ENOX2: variants seen among roughly 807,000 people sequenced by gnomAD.
The protein encoded by ENOX2 is APK1 antigen.
In ENOX2, 36 loss-of-function variants were observed where a neutral mutation model predicts 45.0. The ratio of observed to expected loss-of-function variants is 0.80; its 90% CI spans 0.61 to 1.06. ENOX2 has a LOEUF of 1.06. Ranked by LOEUF, ENOX2 falls within the 50% of genes least tolerant of loss-of-function variation. The probability of loss-of-function intolerance (pLI) is 0.00; values close to 1 mark genes in which losing one functional copy is unlikely to be tolerated. For synonymous variants in ENOX2, 174 were observed against 152.3 expected (o/e 1.14, Z -1.05); for missense variants, 423 against 462.5 (o/e 0.91, Z 0.78).
intron 2 of ENOX2, among the ~76,000 whole-genome samples, chrX:130,897,343 A>G (rs755272682): frequency 8.9e-6 from 1 of 112,335 alleles, no homozygotes; most frequent in African/African-American, 3.2e-5. Context: ...CTGTGGTCAC[A>G]TATAACTTGC....
intron 3 of ENOX2, among the ~76,000 whole-genome samples, chrX:130,775,077 T>C (rs2039821270): frequency 8.9e-6 from 1 of 112,160 alleles, no homozygotes; most frequent in Admixed American, 9.4e-5. Context: ...CACCCCTGCT[T>C]GTTCTTTGGC....
At chrX:130,683,404 G>C (rs1468905873) in intron 5 of ENOX2, among the ~76,000 whole-genome samples, 1 of 112,138 alleles carries the variant, frequency 8.9e-6, no homozygotes, top group Non-Finnish European at 1.9e-5. Flanking sequence ...AAATTAGAAG[G>C]CTGGGGAATT....
chrX:130,724,813 A>C (rs991573110), intron 3 of ENOX2, among the ~76,000 whole-genome samples: 13 of 112,083 alleles, frequency 1.2e-4, no homozygotes, highest in African/African-American at 3.9e-4. Context: ...GGGGAAGTCT[A>C]GGTGATACTA....
intron 2 of ENOX2, among the ~76,000 whole-genome samples, chrX:130,812,405 T>C (rs1035761929): frequency 1.3e-4 from 14 of 111,753 alleles, no homozygotes; most frequent in African/African-American, 4.6e-4. Context: ...GAGAGCAGCA[T>C]AATATATTTA....
At chrX:130,793,064 A>T (rs1210522143) in intron 2 of ENOX2, among the ~76,000 whole-genome samples, 1 of 112,437 alleles carries the variant, frequency 8.9e-6, no homozygotes, top group East Asian at 2.8e-4. Flanking sequence ...TGTATAAAAC[A>T]GGTCACTTGA....
intron 6 of ENOX2, 96 bp from the exon 7 acceptor site, chrX:130,670,294 A>G (rs1367430952): frequency 6.6e-6 from 4 of 601,950 alleles, no homozygotes; most frequent in Non-Finnish European, 1.1e-5. Flanking sequence ...GAGAGACATG[A>G]AAGACTATAC....
Position 130,667,595 on chromosome X carries a change from T to A in ENOX2, c.842A>T (p.His281Leu). 2 of 1,211,773 alleles carry A rather than the reference T, an allele frequency of 1.7e-6. No individual in the cohort carries two copies. The highest frequency in any genetic ancestry group is 2.2e-6 in the Non-Finnish European group (2 of 895,475). The stretch of plus-strand genomic sequence containing the variant: ...CTTTGCTTCTTCCATATCTTTCTCA[T>A]GGGCAGCTTTCTCGTTCACCAGGCG... ...VRRLVNEKAA[H>L]EKDMEEAKEK... The change falls in exon 8 of 15, where the codon CAT becomes CTT. Residue 281 changes from histidine (H) to leucine (L), a missense_variant. By Grantham distance (99) the His-to-Leu change is moderately conservative (BLOSUM62 -3). Transcript: ENST00000394363.
chrX:130,900,193 A>G (rs2079122234), intron 2 of ENOX2, among the ~76,000 whole-genome samples: 2 of 112,430 alleles, frequency 1.8e-5, no homozygotes, highest in African/African-American at 6.5e-5. Flanking sequence ...TTACTTAGTG[A>G]TTTTTACCAT....
intron 3 of ENOX2, among the ~76,000 whole-genome samples, chrX:130,768,563 C>T (rs2039668145): frequency 8.9e-6 from 1 of 111,986 alleles, no homozygotes; most frequent in African/African-American, 3.3e-5. Context: ...TTCAGTCTAA[C>T]AGTAGACTTG....
At chrX:130,642,042 T>TA (rs939030616) in intron 10 of ENOX2, among the ~76,000 whole-genome samples, 3 of 112,280 alleles carry the variant, frequency 2.7e-5, no homozygotes, top group Non-Finnish European at 5.6e-5. Context: ...CTTATTATTT[T>TA]AAAAAATCAT....
intron 2 of ENOX2, among the ~76,000 whole-genome samples, chrX:130,809,197 G>A (rs1466074619): frequency 8.9e-6 from 1 of 112,347 alleles, no homozygotes; most frequent in African/African-American, 3.2e-5. Flanking sequence ...ATTACAATTT[G>A]TTTCATCTTT....
intron 3 of ENOX2, among the ~76,000 whole-genome samples, chrX:130,763,686 T>C (rs2039546972): frequency 9.0e-6 from 1 of 110,589 alleles, no homozygotes; most frequent in African/African-American, 3.3e-5. Flanking sequence ...CTGGACAACA[T>C]AGTGAGACCT....
chrX:130,672,930 C>T (rs970617763), intron 6 of ENOX2, among the ~76,000 whole-genome samples: 13 of 111,855 alleles, frequency 1.2e-4, no homozygotes, highest in Non-Finnish European at 2.3e-4. Flanking sequence ...TGTCCTCCAT[C>T]CACTCTCCCT....
At chrX:130,874,213 T>G (rs1029138321) in intron 2 of ENOX2, among the ~76,000 whole-genome samples, 2 of 112,377 alleles carry the variant, frequency 1.8e-5, no homozygotes, top group Admixed American at 1.9e-4. Context: ...AGGCTGTGTT[T>G]GTCATGTCCT....
intron 10 of ENOX2, among the ~76,000 whole-genome samples, chrX:130,644,373 C>T (rs2036169285): frequency 8.9e-6 from 1 of 111,822 alleles, no homozygotes; most frequent in Admixed American, 9.4e-5. Flanking sequence ...TACCATCCAG[C>T]AATCATGCTC....
intron 9 of ENOX2, among the ~76,000 whole-genome samples, chrX:130,658,965 T>G (rs998995494): frequency 8.9e-6 from 1 of 112,068 alleles, no homozygotes; most frequent in African/African-American, 3.2e-5. Context: ...TGAAAATGAT[T>G]AAGATCCCAT....
rs181130674 is a variant in ENOX2, at chrX:130,847,330, C to A, written c.-183+54354G>T. Among the ~76,000 whole-genome samples the A allele has an allele frequency of 5.4e-5, 6 of 111,534 alleles. No individual in the cohort carries two copies. In the East Asian group the frequency reaches 1.7e-3, roughly 31 times the overall value. On this transcript the variant is annotated intron_variant, in intron 2 of 14. Coordinates refer to ENST00000394363, the MANE Select transcript of ENOX2 (RefSeq NM_006375.4). ...ATAAGCATAATTTCTAGTTGTGCTA[C>A]TAGTGGCATCCATCTGTACATTATA...
chrX:130,750,016 GTCTT>G (rs758133504), intron 3 of ENOX2, among the ~76,000 whole-genome samples: 6 of 110,201 alleles, frequency 5.4e-5, no homozygotes, highest in African/African-American at 1.3e-4. Flanking sequence ...CTCAGTCAGT[GTCTT>G]TCTTTCTTCT....
chrX:130,760,785 C>CAAAA (rs555575901), intron 3 of ENOX2, among the ~76,000 whole-genome samples: 1 of 9,401 alleles, frequency 1.1e-4, no homozygotes, highest in African/African-American at 2.8e-4. Flanking sequence ...GACTCCATCT[C>CAAAA]AAAAAAAAAA....
Sources: gnomAD v4.1 joint callset for allele counts (sites outside exome capture counted in the v4.1 genomes callset) on GRCh38, gnomAD v4.1.1 for gene constraint, MANE v1.5 for transcripts, NCBI Gene and HGNC (gene_info 2026-07-23, HGNC 2026-07-21) for gene names.